Variants in SLC35F4 observed in about 807,000 individuals in gnomAD.
SLC35F4 encodes chromosome 14 open reading frame 36.
In SLC35F4, 24 loss-of-function variants were observed where a neutral mutation model predicts 44.2. That is an observed-to-expected ratio of 0.54 (90% CI 0.39 to 0.76). The LOEUF is 0.76. SLC35F4 is among the 30% of genes least tolerant of loss of function. The probability of loss-of-function intolerance (pLI) is 0.00; values close to 1 mark genes in which losing one functional copy is unlikely to be tolerated. For missense variants in SLC35F4, 562 were observed against 586.1 expected, an observed-to-expected ratio of 0.96 and a Z score of 0.42; for synonymous variants, 238 against 223.6, an observed-to-expected ratio of 1.06 and a Z score of -0.57.
Position 57,696,906 on chromosome 14 carries a change from C to T in SLC35F4, c.104-102782G>A, listed in dbSNP as rs149953750. Among the ~76,000 whole-genome samples, 17 of 152,094 alleles carry T rather than the reference C, an allele frequency of 1.1e-4. No individual in the cohort carries two copies. In the South Asian group the frequency reaches 1.7e-3, roughly 15 times the overall value. On this transcript the variant is annotated intron_variant, in intron 1 of 7. Coordinates refer to ENST00000556826, the MANE Select transcript of SLC35F4 (RefSeq NM_001306087.2). ...GCACAGGGAGGGGAACATCACACAC[C>T]GGGGCCTGTCCGGGGTTGTGGGGGA...
intron 1 of SLC35F4, among the ~76,000 whole-genome samples, chr14:57,696,983 C>A (rs552936861): frequency 6.6e-6 from 1 of 152,190 alleles, no homozygotes; most frequent in Admixed American, 6.6e-5. Context: ...GGACTTAAAC[C>A]CTAGATGACG....
chr14:57,743,247 A>G (rs2076663881), intron 1 of SLC35F4, among the ~76,000 whole-genome samples: 1 of 152,188 alleles, frequency 6.6e-6, no homozygotes, highest in Non-Finnish European at 1.5e-5. Flanking sequence ...GGAAATAGAG[A>G]CATAAAAAAA....
intron 1 of SLC35F4, among the ~76,000 whole-genome samples, chr14:57,818,474 G>C (rs1415243236): frequency 6.6e-6 from 1 of 152,104 alleles, no homozygotes; most frequent in Non-Finnish European, 1.5e-5. Context: ...TGTAAAGATG[G>C]GAGCTATTGA....
chr14:57,681,874 G>A (rs748204593), intron 1 of SLC35F4, among the ~76,000 whole-genome samples: 9 of 152,164 alleles, frequency 5.9e-5, no homozygotes, highest in Non-Finnish European at 1.3e-4. Flanking sequence ...CATTTATGTG[G>A]CCAATAAACA....
chr14:57,881,175 T>G (rs1171094406), intron 1 of SLC35F4, among the ~76,000 whole-genome samples: 1 of 152,198 alleles, frequency 6.6e-6, no homozygotes, highest in African/African-American at 2.4e-5. Context: ...CTAATGTCAT[T>G]GATTAGCTGT....
chr14:57,922,667 G>A (rs1889464750), intron 1 of SLC35F4, among the ~76,000 whole-genome samples: 1 of 152,174 alleles, frequency 6.6e-6, no homozygotes, highest in South Asian at 2.1e-4. Context: ...TGTAAAGTCA[G>A]ACCAACTATA....
intron 1 of SLC35F4, chr14:57,595,880 G>A (rs925711470): frequency 2.6e-5 from 4 of 152,128 alleles, no homozygotes; most frequent in Admixed American, 6.6e-5. Context: ...TATTTCTTTG[G>A]AATGATGGTT....
intron 1 of SLC35F4, among the ~76,000 whole-genome samples, chr14:57,641,308 CA>C (rs1294539116): frequency 2.0e-5 from 3 of 149,180 alleles, no homozygotes; most frequent in Admixed American, 6.7e-5. Flanking sequence ...AAAATCTTAC[CA>C]AAGCCAACTG....
intron 1 of SLC35F4, among the ~76,000 whole-genome samples, chr14:57,683,241 C>T (rs924534005): frequency 2.6e-5 from 4 of 152,122 alleles, no homozygotes; most frequent in African/African-American, 4.8e-5. Flanking sequence ...CTTATAGATA[C>T]TTTCACAAAG....
At chr14:57,657,216 G>T (rs2073996778) in intron 1 of SLC35F4, among the ~76,000 whole-genome samples, 1 of 152,182 alleles carries the variant, frequency 6.6e-6, no homozygotes. Flanking sequence ...TTCCCATTTT[G>T]GGAGATGGAA....
chr14:57,770,921 C>T (rs1490567038), intron 1 of SLC35F4, among the ~76,000 whole-genome samples: 1 of 152,052 alleles, frequency 6.6e-6, no homozygotes, highest in Non-Finnish European at 1.5e-5. Context: ...GATAAGATTT[C>T]TTCACTTCAA....
chr14:57,974,314 C>T (rs573459911), downstream of SLC35F4, among the ~76,000 whole-genome samples: 114 of 152,230 alleles, frequency 7.5e-4, no homozygotes, highest in African/African-American at 2.6e-3. Context: ...CCCCAGAAAC[C>T]CAGATGAAAG....
chr14:57,729,964 C>G lies in SLC35F4; in HGVS notation c.103+135759G>C, dbSNP rs557934214. The stretch of plus-strand genomic sequence containing the variant: ...ACACAGGCACTGCCTGAGCTCAGCA[C>G]AGCTTTACTCTCTGCTGTAACAGAG... On this transcript the variant is annotated intron_variant, in intron 1 of 7. Coordinates refer to ENST00000556826, the MANE Select transcript of SLC35F4 (RefSeq NM_001306087.2). Among the ~76,000 whole-genome samples, 36 of 152,302 alleles carry G rather than the reference C, an allele frequency of 2.4e-4. No individual in the cohort carries two copies. The South Asian group carries it at 7.2e-3, about 31-fold the overall frequency.
At chr14:57,627,678 T>C (rs1403916593) in intron 1 of SLC35F4, among the ~76,000 whole-genome samples, 1 of 152,106 alleles carries the variant, frequency 6.6e-6, no homozygotes, top group Non-Finnish European at 1.5e-5. Context: ...TTGAATACAA[T>C]ATTCATAAAG....
In SLC35F4 at chr14:57,675,260, C is replaced by G. The variant is rs1221402295; in HGVS notation, c.104-81136G>C. Among the ~76,000 whole-genome samples the G allele has an allele frequency of 1.3e-5, 2 of 151,988 alleles. 1 individual carries two copies. The highest frequency in any genetic ancestry group is 4.8e-5 in the African/African-American group (2 of 41,318). ...ATTTCATTTTAAGTAAATTTTATAT[C>G]ACACAAAAGACTAAACAAATATTGA... On this transcript the variant is annotated intron_variant, in intron 1 of 7. Coordinates refer to ENST00000556826, the MANE Select transcript of SLC35F4 (RefSeq NM_001306087.2).
chr14:57,680,512 T>G (rs2074860497), intron 1 of SLC35F4, among the ~76,000 whole-genome samples: 1 of 152,070 alleles, frequency 6.6e-6, no homozygotes, highest in Non-Finnish European at 1.5e-5. Context: ...TATTGGAAGT[T>G]CTGGCCACAG....
In SLC35F4 at chr14:57,728,441, C is replaced by CT. The variant is rs869064667; in HGVS notation, c.104-134318dup. ...GATTTTTCTTCTTTTTTCTTTCTTT[C>CT]TTTTTTTTTTTTTTTTTTTTTTTTT... is the stretch of plus-strand genomic sequence containing the variant. On this transcript the variant is annotated intron_variant, in intron 1 of 7. Coordinates refer to ENST00000556826, the MANE Select transcript of SLC35F4 (RefSeq NM_001306087.2). 4.8e-3 allele frequency among the ~76,000 whole-genome samples: 281 copies of CT among 58,868 alleles called. 10 individuals are homozygous for CT. The highest frequency in any genetic ancestry group is 0.022 in the East Asian group (37 of 1,674). The allele number at this position is 58,868 out of a possible 152,430, so 38.6% of individuals were successfully genotyped here.
At chr14:57,857,895 G>A (rs1421841790) in intron 1 of SLC35F4, among the ~76,000 whole-genome samples, 2 of 152,032 alleles carry the variant, frequency 1.3e-5, no homozygotes, top group Non-Finnish European at 2.9e-5. Context: ...AGAAGCAAAA[G>A]AGCATGGGCA....
chr14:57,782,385 A>G (rs1352216940), intron 1 of SLC35F4, among the ~76,000 whole-genome samples: 2 of 152,122 alleles, frequency 1.3e-5, no homozygotes, highest in Non-Finnish European at 2.9e-5. Context: ...ATATCAAAAA[A>G]AAAAGAAAAA....
Sources: gnomAD v4.1 joint callset for allele counts (sites outside exome capture counted in the v4.1 genomes callset) on GRCh38, gnomAD v4.1.1 for gene constraint, MANE v1.5 for transcripts, NCBI Gene and HGNC (gene_info 2026-07-23, HGNC 2026-07-21) for gene names.